LNX1: variants seen among roughly 807,000 people sequenced by gnomAD.
The protein encoded by LNX1 is E3 ubiquitin-protein ligase LNX.
A neutral mutation model predicts 68.4 loss-of-function variants in LNX1; 54 were observed. That is an observed-to-expected ratio of 0.79 (90% CI 0.63 to 0.99). The LOEUF (loss-of-function observed/expected upper bound fraction) is 0.99, where lower values mean the gene tolerates loss of function less well. LNX1 is among the 50% of genes least tolerant of loss of function. The pLI, the probability that LNX1 is intolerant of heterozygous loss-of-function variation, is 0.00. For missense variants in LNX1, 906 were observed against 926.4 expected (o/e 0.98, Z 0.29); for synonymous variants, 336 against 350.0 (o/e 0.96, Z 0.45).
chr4:53,630,050 A>G lies in LNX1; in HGVS notation c.-215+22118T>C, dbSNP rs77679303. 7.9e-5 allele frequency among the ~76,000 whole-genome samples: 12 copies of G among 151,958 alleles called. No homozygotes were observed. The East Asian group carries it at 2.1e-3, about 27-fold the overall frequency. On this transcript the variant is annotated intron_variant, in intron 1 of 2. Coordinates refer to the LNX1 transcript ENST00000507168. ...GAAGACACTTAATCATGTTGAAAAC[A>G]TGAGTATTTTCCCATGAAAATAGTT...
chr4:53,568,580 C>CGGGCACAAGACAGAG (rs1730888098), intron 2 of LNX1, among the ~76,000 whole-genome samples: 1 of 147,082 alleles, frequency 6.8e-6, no homozygotes, highest in African/African-American at 2.6e-5. Context: ...CCTTTGAAAA[C>CGGGCACAAGACAGAG]GGGCACAAGA....
intron 1 of LNX1, among the ~76,000 whole-genome samples, chr4:53,636,262 C>A (rs2668528): frequency 1.4e-5 from 2 of 139,244 alleles, no homozygotes; most frequent in Admixed American, 7.7e-5. Flanking sequence ...TTGCCTCGGT[C>A]GAGCAAAAAC....
intron 2 of LNX1, among the ~76,000 whole-genome samples, chr4:53,615,463 C>T (rs1399079017): frequency 6.6e-6 from 1 of 152,160 alleles, no homozygotes; most frequent in African/African-American, 2.4e-5. Context: ...GAAGCTTAGC[C>T]TAGCTCCCTC....
At chr4:53,568,270 C>T (rs1730852647) in intron 2 of LNX1, among the ~76,000 whole-genome samples, 1 of 151,516 alleles carries the variant, frequency 6.6e-6, no homozygotes, top group African/African-American at 2.4e-5. Context: ...AAACCAAATC[C>T]AGCAGCACAT....
intron 3 of LNX1, 139 bp downstream of exon 3, chr4:53,507,847 T>C (rs1351745116): frequency 3.4e-5 from 38 of 1,120,302 alleles, no homozygotes; most frequent in Non-Finnish European, 4.6e-5. Flanking sequence ...TTTGGCGAAT[T>C]GGACATTGGG....
intron 2 of LNX1, among the ~76,000 whole-genome samples, chr4:53,565,127 G>C (rs925214664): frequency 2.0e-5 from 3 of 152,048 alleles, no homozygotes; most frequent in African/African-American, 4.8e-5. Context: ...CTGGAAGCTC[G>C]AACTGGGTGG....
intron 2 of LNX1, among the ~76,000 whole-genome samples, chr4:53,517,495 A>G (rs559970531): frequency 3.9e-5 from 6 of 152,284 alleles, no homozygotes; most frequent in African/African-American, 1.4e-4. Context: ...AGTAACAATA[A>G]TACAACTTCT....
chr4:53,548,812 G>A (rs886581670), intron 2 of LNX1, among the ~76,000 whole-genome samples: 2 of 152,216 alleles, frequency 1.3e-5, no homozygotes, highest in African/African-American at 4.8e-5. Flanking sequence ...ATGAAAATGT[G>A]GTATAGATAT....
chr4:53,639,002 ACAAACTGTTCTAC>A (rs1368355752), intron 1 of LNX1, among the ~76,000 whole-genome samples: 2 of 152,166 alleles, frequency 1.3e-5, no homozygotes, highest in Non-Finnish European at 2.9e-5. Context: ...CCAAAAGAAA[ACAAACTGTTCTAC>A]CAAAAAGACA....
At chr4:53,549,551 T>G (rs1251106711) in intron 2 of LNX1, 1 of 146,762 alleles carries the variant, frequency 6.8e-6, no homozygotes, top group African/African-American at 2.5e-5. Context: ...TATTTGTTAT[T>G]AAAGAATTAT....
intron 2 of LNX1, among the ~76,000 whole-genome samples, chr4:53,532,556 A>T (rs763357358): frequency 3.3e-5 from 5 of 152,226 alleles, no homozygotes; most frequent in Admixed American, 6.5e-5. Context: ...GCAAAAGGCC[A>T]TTCCCTCTTG....
intron 1 of LNX1, among the ~76,000 whole-genome samples, chr4:53,625,842 CCCGTGTGTGTGT>C (rs1734052666): frequency 4.0e-5 from 2 of 50,490 alleles, no homozygotes; most frequent in Non-Finnish European, 4.9e-5. Flanking sequence ...GCAATTCCAC[CCCGTGTGTGTGT>C]GTGTGTGTGT....
chr4:53,535,405 C>T (rs968534909), intron 2 of LNX1, among the ~76,000 whole-genome samples: 1 of 152,138 alleles, frequency 6.6e-6, no homozygotes, highest in Non-Finnish European at 1.5e-5. Context: ...AAATCTCTCC[C>T]GTCCATCAAG....
At chr4:53,503,861 C>T (rs574895616) in intron 4 of LNX1, among the ~76,000 whole-genome samples, 17 of 152,142 alleles carry the variant, frequency 1.1e-4, no homozygotes, top group Middle Eastern at 3.4e-3. Context: ...TGGCTGAGTG[C>T]GGTGGCTCAC....
chr4:53,567,507 G>A (rs1428475832), intron 2 of LNX1, among the ~76,000 whole-genome samples: 1 of 152,208 alleles, frequency 6.6e-6, no homozygotes, highest in Non-Finnish European at 1.5e-5. Flanking sequence ...TGTGTAGAGG[G>A]AAATTTATAG....
intron 9 of LNX1, among the ~76,000 whole-genome samples, chr4:53,465,946 G>C (rs1460268241): frequency 6.6e-6 from 1 of 152,144 alleles, no homozygotes; most frequent in African/African-American, 2.4e-5. Context: ...TAGAGTTTGT[G>C]CATAGTATAT....
chr4:53,481,794 T>C lies in LNX1; in HGVS notation c.1411A>G (p.Ile471Val), dbSNP rs745995412. Residue 471 changes from isoleucine (I) to valine (V), a missense_variant, in exon 7 of 11, where the codon ATC becomes GTC. Transcript: ENST00000263925. ...SRQVRQRSPD[I>V]FQEAGWNSNG... is the part of the protein sequence containing the mutation. ...CTGTTCCAGCCGGCTTCCTGAAAGA[T>C]GTCAGGGCTCCGCTGCCGAACCTGG... 2 of 1,613,532 alleles carry C rather than the reference T, an allele frequency of 1.2e-6. No individual in the cohort carries two copies. Among genetic ancestry groups the C allele is most frequent in the Admixed American group, 1.7e-5 (1 of 59,926 alleles).
chr4:53,564,930 G>A (rs1403787760), intron 2 of LNX1, among the ~76,000 whole-genome samples: 1 of 152,174 alleles, frequency 6.6e-6, no homozygotes, highest in African/African-American at 2.4e-5. Context: ...CGAATACTGC[G>A]CTTTTCCGAC....
chr4:53,540,694 C>CA (rs1296026869), intron 2 of LNX1, among the ~76,000 whole-genome samples: 1 of 151,234 alleles, frequency 6.6e-6, no homozygotes, highest in Non-Finnish European at 1.5e-5. Context: ...AAACAAAAAA[C>CA]AAAAAACAAA....
Sources: allele counts gnomAD v4.1 joint callset (sites outside exome capture counted in the v4.1 genomes callset), GRCh38; gene constraint gnomAD v4.1.1; transcripts MANE v1.5; gene names NCBI Gene and HGNC (gene_info 2026-07-23, HGNC 2026-07-21).